Variants in TBC1D22A observed in about 807,000 individuals in gnomAD.
The protein encoded by TBC1D22A is putative GTPase activator.
In TBC1D22A, 38 loss-of-function variants were observed where a neutral mutation model predicts 60.2. The observed-to-expected ratio is 0.63, with a 90% confidence interval of 0.49 to 0.83. TBC1D22A has a LOEUF of 0.83. Ranked by LOEUF, TBC1D22A falls within the 40% of genes least tolerant of loss-of-function variation. The pLI is 0.00. For missense variants in TBC1D22A, 628 were observed against 701.0 expected (o/e 0.90, Z 1.18); for synonymous variants, 302 against 281.7 (o/e 1.07, Z -0.72).
intron 9 of TBC1D22A, among the ~76,000 whole-genome samples, chr22:46,991,599 T>A (rs1407814854): frequency 6.6e-6 from 1 of 152,214 alleles, no homozygotes; most frequent in African/African-American, 2.4e-5. Flanking sequence ...TTTGCCTGGA[T>A]TACGGCAGTT....
intron 8 of TBC1D22A, among the ~76,000 whole-genome samples, chr22:46,927,604 A>G (rs1208919802): frequency 2.0e-5 from 3 of 152,232 alleles, no homozygotes; most frequent in Non-Finnish European, 4.4e-5. Flanking sequence ...GTTAAGCCCA[A>G]AAATGAAACA....
intron 12 of TBC1D22A, among the ~76,000 whole-genome samples, chr22:47,133,886 GTCTC>G (rs148989583): frequency 1.3e-5 from 2 of 151,078 alleles, no homozygotes; most frequent in African/African-American, 2.4e-5. Context: ...TCCGTGGGCT[GTCTC>G]TCTCTCTCTC....
At chr22:47,130,639 A>T (rs2066647684) in intron 12 of TBC1D22A, among the ~76,000 whole-genome samples, 1 of 151,874 alleles carries the variant, frequency 6.6e-6, no homozygotes, top group Admixed American at 6.6e-5. Context: ...CTTCCCCAAC[A>T]CCTCTGCCCT....
Position 46,974,406 on chromosome 22 carries a change from G to T in TBC1D22A, c.1125+7G>T. The T allele has an allele frequency of 6.2e-7, 1 of 1,604,192 alleles. No individual in the cohort carries two copies. Among genetic ancestry groups the T allele is most frequent in the South Asian group, 1.1e-5 (1 of 89,242 alleles). On this transcript the variant is annotated splice_region_variant and intron_variant, in intron 9 of 12. Transcript: ENST00000337137. ...GCTGCTGGATGGCATTCAGGTGAGC[G>T]CCCGCGCCCACGGGACACAGCCCAC...
intron 4 of TBC1D22A, among the ~76,000 whole-genome samples, chr22:46,813,325 T>G (rs1056942339): frequency 6.6e-6 from 1 of 152,230 alleles, no homozygotes; most frequent in Non-Finnish European, 1.5e-5. Context: ...AAGAATAAGA[T>G]CTATTTAGCA....
intron 12 of TBC1D22A, among the ~76,000 whole-genome samples, chr22:47,133,886 G>GTCTC (rs148989583): frequency 6.6e-6 from 1 of 151,080 alleles, no homozygotes; most frequent in South Asian, 2.1e-4. Flanking sequence ...TCCGTGGGCT[G>GTCTC]TCTCTCTCTC....
chr22:46,791,553 A>T (rs1028681671), intron 1 of TBC1D22A, among the ~76,000 whole-genome samples: 3 of 150,304 alleles, frequency 2.0e-5, no homozygotes, highest in Non-Finnish European at 4.4e-5. Flanking sequence ...TTTTTTCCAG[A>T]AAAGTAAAAA....
chr22:46,950,217 A>G (rs2072815373), intron 8 of TBC1D22A, among the ~76,000 whole-genome samples: 1 of 152,126 alleles, frequency 6.6e-6, no homozygotes, highest in South Asian at 2.1e-4. Context: ...TTTGCTTATG[A>G]ATCAGAGGAA....
chr22:47,079,875 T>C (rs545920143), intron 11 of TBC1D22A, among the ~76,000 whole-genome samples: 4 of 152,350 alleles, frequency 2.6e-5, no homozygotes, highest in African/African-American at 9.6e-5. Context: ...AACTATGTGC[T>C]GTTTGCAGAT....
intron 10 of TBC1D22A, among the ~76,000 whole-genome samples, chr22:47,020,810 A>G (rs1569346289): frequency 6.6e-6 from 1 of 151,572 alleles, no homozygotes; most frequent in African/African-American, 2.4e-5. Context: ...AATCGATGGA[A>G]CATGGGATTG....
chr22:46,918,503 G>A (rs2070530788), intron 8 of TBC1D22A, among the ~76,000 whole-genome samples: 2 of 152,106 alleles, frequency 1.3e-5, no homozygotes, highest in South Asian at 2.1e-4. Flanking sequence ...GAGAGGTATG[G>A]TGGTGTGGTA....
intron 9 of TBC1D22A, among the ~76,000 whole-genome samples, chr22:46,977,069 A>T (rs2074328431): frequency 6.6e-6 from 1 of 152,204 alleles, no homozygotes. Context: ...CCAGCACACA[A>T]GGCTGAGACT....
intron 4 of TBC1D22A, among the ~76,000 whole-genome samples, chr22:46,814,364 A>G (rs760971851): frequency 1.3e-5 from 2 of 152,212 alleles, no homozygotes; most frequent in African/African-American, 4.8e-5. Flanking sequence ...GTTAAGAAAC[A>G]TGCCTGACAT....
chr22:46,953,698 T>C (rs1368315245), intron 8 of TBC1D22A, among the ~76,000 whole-genome samples: 1 of 152,248 alleles, frequency 6.6e-6, no homozygotes, highest in African/African-American at 2.4e-5. Context: ...CTTTTTGTCC[T>C]GCATAATTTC....
At chr22:47,094,693 A>G (rs2065102755) in intron 11 of TBC1D22A, among the ~76,000 whole-genome samples, 1 of 152,218 alleles carries the variant, frequency 6.6e-6, no homozygotes, top group Non-Finnish European at 1.5e-5. Context: ...AAAGTTCAGT[A>G]TAGTTTATGT....
intron 8 of TBC1D22A, among the ~76,000 whole-genome samples, chr22:46,930,479 G>A (rs1226098807): frequency 6.6e-6 from 1 of 151,904 alleles, no homozygotes; most frequent in Admixed American, 6.6e-5. Flanking sequence ...TTATTTAGAC[G>A]GAGTCTCGCT....
intron 6 of TBC1D22A, among the ~76,000 whole-genome samples, chr22:46,894,350 A>G (rs1486133755): frequency 6.6e-6 from 1 of 152,250 alleles, no homozygotes; most frequent in Non-Finnish European, 1.5e-5. Flanking sequence ...AGATTCCCCC[A>G]GGACTTCATA....
intron 11 of TBC1D22A, among the ~76,000 whole-genome samples, chr22:47,100,543 G>A (rs1225455055): frequency 6.6e-6 from 1 of 152,136 alleles, no homozygotes; most frequent in Non-Finnish European, 1.5e-5. Flanking sequence ...CATGGGGGCA[G>A]GTCTTTCCCA....
intron 4 of TBC1D22A, 59 bp from the exon 5 acceptor site, chr22:46,878,594 G>T: frequency 6.8e-7 from 1 of 1,463,000 alleles, no homozygotes; most frequent in South Asian, 1.1e-5. Flanking sequence ...TAAAGCACTG[G>T]GGAGGTTTGC....
Sources: gnomAD v4.1 joint callset for allele counts (sites outside exome capture counted in the v4.1 genomes callset) on GRCh38, gnomAD v4.1.1 for gene constraint, MANE v1.5 for transcripts, NCBI Gene and HGNC (gene_info 2026-07-23, HGNC 2026-07-21) for gene names.